Variants in SLC25A48 observed in about 807,000 individuals in gnomAD.
SLC25A48 encodes the protein CTC-321K16.1.
SLC25A48 carries 29 observed loss-of-function variants against 32.2 expected under a neutral mutation model. The ratio of observed to expected loss-of-function variants is 0.90; its 90% confidence interval spans 0.67 to 1.23. SLC25A48 has a LOEUF of 1.23. Among genes scored for constraint, SLC25A48 ranks in the 50% most tolerant of loss-of-function variants. SLC25A48 has a pLI of 0.00. For synonymous variants in SLC25A48, 164 were observed against 172.3 expected (o/e 0.95, Z 0.38); for missense variants, 399 against 422.7 (o/e 0.94, Z 0.49).
intron 1 of SLC25A48, among the ~76,000 whole-genome samples, chr5:135,606,865 A>G (rs1224212422): frequency 6.6e-6 from 1 of 152,196 alleles, no homozygotes; most frequent in Non-Finnish European, 1.5e-5. Flanking sequence ...TTGCTTTTAT[A>G]GTTCAGAGGA....
intron 3 of SLC25A48, among the ~76,000 whole-genome samples, chr5:135,692,831 G>A (rs1025536448): frequency 1.3e-5 from 2 of 152,226 alleles, no homozygotes; most frequent in African/African-American, 4.8e-5. Flanking sequence ...ACTCAACTAA[G>A]AGATGAATAT....
chr5:135,888,578 GATTAAA>G lies in SLC25A48; in HGVS notation c.*555_*560del, dbSNP rs1762816921. Reference sequence around the variant, plus strand: ...GTGCACTTATTAGTGTCTGTTGAGTGATTAAATCACATCCTCAGGTCTGCAGCAAAT... The same window carrying G: ...GTGCACTTATTAGTGTCTGTTGAGTGTCACATCCTCAGGTCTGCAGCAAAT... On this transcript the variant is annotated 3_prime_UTR_variant, in exon 8 of 8. Transcript: ENST00000681962. The G allele has an allele frequency of 6.5e-6, 1 of 153,426 alleles. No homozygotes were observed. Among genetic ancestry groups the G allele is most frequent in the South Asian group, 2.1e-4 (1 of 4,834 alleles). The allele number at this position is 153,426 out of a possible 1,614,324, so 9.5% of individuals were successfully genotyped here.
At position 135,781,017 on chromosome 5, in the gene SLC25A48, G is replaced by A. The variant is rs1009742642; in HGVS notation, c.-520-31506G>A. On this transcript the variant is annotated intron_variant, in intron 3 of 10. Transcript: ENST00000646290. ...CTATATATTGTTCCTAATATCCAGG[G>A]GGGAGATGATGATTCTACTTCCAAT... is the stretch of plus-strand genomic sequence containing the variant. Among the ~76,000 whole-genome samples the A allele has an allele frequency of 3.4e-5, 4 of 116,332 alleles. 2 individuals are homozygous for A. Among genetic ancestry groups the A allele is most frequent in the Non-Finnish European group, 8.5e-5 (4 of 47,178 alleles). The allele number at this position is 116,332 out of a possible 152,430, so 76.3% of individuals were successfully genotyped here. A position where few individuals can be genotyped will look rare whatever the true frequency, so the allele number is the denominator to read the frequency against.
chr5:135,867,076 C>T (rs1761260695), intron 4 of SLC25A48, among the ~76,000 whole-genome samples: 1 of 152,164 alleles, frequency 6.6e-6, no homozygotes, highest in Non-Finnish European at 1.5e-5. Flanking sequence ...AAATGCAAAG[C>T]ATTCATGATT....
At chr5:135,677,766 T>C (rs568317117) in intron 3 of SLC25A48, among the ~76,000 whole-genome samples, 1 of 152,324 alleles carries the variant, frequency 6.6e-6, no homozygotes, top group Non-Finnish European at 1.5e-5. Context: ...TTGTCCTTCA[T>C]TTGTGAAGGA....
intron 7 of SLC25A48, among the ~76,000 whole-genome samples, chr5:135,886,178 A>G (rs1329677481): frequency 6.6e-6 from 1 of 152,146 alleles, no homozygotes; most frequent in Non-Finnish European, 1.5e-5. Context: ...ATTTCTTAAA[A>G]TAAAAGCACA....
Position 135,888,071 on chromosome 5 carries a change from A to T in SLC25A48, c.*47A>T. The T allele has an allele frequency of 6.4e-7, 1 of 1,551,684 alleles. No homozygotes were observed. Among genetic ancestry groups the T allele is most frequent in the Non-Finnish European group, 8.7e-7 (1 of 1,146,906 alleles). On this transcript the variant is annotated 3_prime_UTR_variant, in exon 8 of 8. Transcript: ENST00000681962. Reference sequence around the variant, plus strand: ...ATGACTACAGTGTTCCCTGGGCCTCATCTCTGCATGTGAAGCCCTGAGAGC... The same window carrying T: ...ATGACTACAGTGTTCCCTGGGCCTCTTCTCTGCATGTGAAGCCCTGAGAGC...
At chr5:135,725,184 A>G (rs1032237417) in intron 3 of SLC25A48, among the ~76,000 whole-genome samples, 3 of 152,238 alleles carry the variant, frequency 2.0e-5, no homozygotes, top group African/African-American at 4.8e-5. Flanking sequence ...TTTCTGTGTC[A>G]GATAATGGGG....
intron 2 of SLC25A48, 135 bp from the exon 3 acceptor site, chr5:135,850,290 C>G (rs1759738351): frequency 5.1e-6 from 4 of 780,840 alleles, no homozygotes; most frequent in Non-Finnish European, 8.7e-6. Flanking sequence ...AGGGCACCAG[C>G]CTGGCCAGGA....
chr5:135,700,003 T>C (rs1754353825), intron 3 of SLC25A48, among the ~76,000 whole-genome samples: 1 of 152,172 alleles, frequency 6.6e-6, no homozygotes, highest in African/African-American at 2.4e-5. Flanking sequence ...TGAAGCCTTA[T>C]TCCCTTTAAT....
intron 1 of SLC25A48, among the ~76,000 whole-genome samples, chr5:135,622,732 A>T (rs775520589): frequency 4.6e-5 from 7 of 152,204 alleles, no homozygotes; most frequent in Non-Finnish European, 7.3e-5. Context: ...TTTATTTTCC[A>T]ATTTTGTGCG....
chr5:135,766,164 C>T (rs1028380629), intron 3 of SLC25A48, among the ~76,000 whole-genome samples: 3 of 151,522 alleles, frequency 2.0e-5, no homozygotes, highest in Non-Finnish European at 4.4e-5. Context: ...GGTGATACTC[C>T]CAATAACGCG....
intron 4 of SLC25A48, among the ~76,000 whole-genome samples, chr5:135,815,853 A>C (rs1487506491): frequency 6.6e-6 from 1 of 152,244 alleles, no homozygotes; most frequent in African/African-American, 2.4e-5. Flanking sequence ...TTATTTTAAA[A>C]AAATCTACTC....
At chr5:135,724,741 G>A (rs562476664) in intron 3 of SLC25A48, among the ~76,000 whole-genome samples, 1 of 152,250 alleles carries the variant, frequency 6.6e-6, no homozygotes, top group Non-Finnish European at 1.5e-5. Context: ...GTTGGGAGAT[G>A]ATTTCAACAG....
At chr5:135,685,154 C>A (rs567582255) in intron 3 of SLC25A48, among the ~76,000 whole-genome samples, 1 of 151,976 alleles carries the variant, frequency 6.6e-6, no homozygotes, top group Non-Finnish European at 1.5e-5. Context: ...CTTTTTTATG[C>A]GTGAGATTGA....
At chr5:135,625,997 T>C (rs1250750719) in intron 1 of SLC25A48, among the ~76,000 whole-genome samples, 2 of 152,222 alleles carry the variant, frequency 1.3e-5, no homozygotes, top group Non-Finnish European at 2.9e-5. Context: ...CTCCTGTGTT[T>C]GGGCACCCCC....
At chr5:135,756,180 T>C (rs7727657) in intron 3 of SLC25A48, among the ~76,000 whole-genome samples, 61,533 of 151,828 alleles carry the variant, frequency 0.41, 14,327 homozygotes, top group Non-Finnish European at 0.52. Context: ...TAAAATATCA[T>C]CTAGATATTT....
intron 1 of SLC25A48, among the ~76,000 whole-genome samples, chr5:135,626,448 T>C (rs1025715778): frequency 6.6e-6 from 1 of 152,216 alleles, no homozygotes; most frequent in African/African-American, 2.4e-5. Flanking sequence ...TATTAGAACA[T>C]TGAGCCCTCA....
At chr5:135,746,507 C>T (rs559326108) in intron 3 of SLC25A48, among the ~76,000 whole-genome samples, 4 of 152,328 alleles carry the variant, frequency 2.6e-5, no homozygotes, top group South Asian at 2.1e-4. Context: ...CGTGCATTTC[C>T]GCCTTGCAGG....
Sources: gnomAD v4.1 joint callset for allele counts (sites outside exome capture counted in the v4.1 genomes callset) on GRCh38, gnomAD v4.1.1 for gene constraint, MANE v1.5 for transcripts, NCBI Gene and HGNC (gene_info 2026-07-23, HGNC 2026-07-21) for gene names.